SHANK2: variants seen among roughly 807,000 people sequenced by gnomAD.
SHANK2 encodes SH3 and multiple ankyrin repeat domains protein 2.
Under a neutral mutation model 133.7 loss-of-function variants are expected in SHANK2, and 43 were observed. That is an observed-to-expected ratio of 0.32 (90% CI 0.25 to 0.41). SHANK2 has a LOEUF of 0.41. SHANK2 is among the 10% of genes least tolerant of loss of function. SHANK2 has a pLI of 1.00. For synonymous variants in SHANK2, 1,017 were observed against 952.8 expected (o/e 1.07, Z -1.24); for missense variants, 1,994 against 2,235.8 (o/e 0.89, Z 2.18).
intron 17 of SHANK2, among the ~76,000 whole-genome samples, chr11:70,516,943 C>A (rs1479325661): frequency 6.6e-6 from 1 of 152,128 alleles, no homozygotes; most frequent in Non-Finnish European, 1.5e-5. Context: ...CATGGTGGCA[C>A]ACATCTGTAA....
intron 15 of SHANK2, among the ~76,000 whole-genome samples, chr11:70,690,901 T>G (rs193113384): frequency 4.6e-4 from 70 of 152,176 alleles, no homozygotes; most frequent in African/African-American, 1.7e-3. Context: ...CATTTTAAAA[T>G]TAAGAAATAC....
At chr11:71,132,398 C>G (rs1590942385) in intron 3 of SHANK2, among the ~76,000 whole-genome samples, 1 of 152,260 alleles carries the variant, frequency 6.6e-6, no homozygotes, top group East Asian at 1.9e-4. Flanking sequence ...CAGCATGGCC[C>G]CAAACCACAA....
chr11:70,856,495 T>C (rs1470668361), intron 11 of SHANK2, among the ~76,000 whole-genome samples: 1 of 145,706 alleles, frequency 6.9e-6, no homozygotes, highest in Non-Finnish European at 1.5e-5. Context: ...GGTGAATGGA[T>C]AATGAGTGGA....
Position 70,807,039 on chromosome 11 carries a change from G to A in SHANK2, c.1626C>T (p.Asp542=), listed in dbSNP as rs748362704. The change falls in exon 13 of 26, where the codon GAC becomes GAT. Residue 542 remains aspartate, a synonymous_variant. Coordinates refer to ENST00000601538, the MANE Select transcript of SHANK2 (RefSeq NM_012309.5). This position sits in a 1 kb window ranked among gnomAD's most constrained non-coding sequence, Gnocchi z 4.8. ...VAVKPYQPQV[D]GEIPLHRGDR... is the part of the protein sequence containing the mutation. ...CACCGCGGTGAAGGGGGATCTCGCC[G>A]TCCACTTGGGGTTGGTATGGCTTGA... 8.6e-5 allele frequency: 62 copies of A among 717,734 alleles called. No individual in the cohort carries two copies. The highest frequency in any genetic ancestry group is 1.1e-4 in the Non-Finnish European group (44 of 384,884). The allele number at this position is 717,734 out of a possible 1,614,324, so 44.5% of individuals were successfully genotyped here.
rs1953418039 is a variant in SHANK2 at position 71,175,548 on chromosome 11, GAGGGAGA to G, written c.-12-28217_-12-28211del. On this transcript the variant is annotated intron_variant, in intron 2 of 25. Transcript: ENST00000601538. This position sits in a 1 kb window ranked among gnomAD's most constrained non-coding sequence, Gnocchi z 4.2. ...AGACAGACAGACAGAGGGAGAGGGA[GAGGGAGA>G]GAGAGAGAGAGAGAGAGAGAGAGAG... 1.0e-3 allele frequency among the ~76,000 whole-genome samples: 13 copies of G among 12,700 alleles called. No homozygotes were observed. The highest frequency in any genetic ancestry group is 9.7e-3 in the Admixed American group (8 of 826). 8.3% of individuals were successfully genotyped at this position (12,700 alleles called of 152,430 possible).
At chr11:70,939,868 A>G (rs1361277073) in intron 10 of SHANK2, among the ~76,000 whole-genome samples, 5 of 152,188 alleles carry the variant, frequency 3.3e-5, no homozygotes, top group Admixed American at 2.0e-4. Flanking sequence ...TCAGATGCAG[A>G]GACTATCCTG....
chr11:70,867,423 G>C (rs373979594), intron 11 of SHANK2, among the ~76,000 whole-genome samples: 19 of 152,362 alleles, frequency 1.2e-4, no homozygotes, highest in African/African-American at 4.1e-4. Flanking sequence ...CGAGAGGCAA[G>C]AGCCGCTGTT....
chr11:70,656,975 G>A (rs782143792), intron 17 of SHANK2, among the ~76,000 whole-genome samples: 7 of 152,208 alleles, frequency 4.6e-5, no homozygotes, highest in African/African-American at 7.2e-5. Flanking sequence ...GGATGGCCAC[G>A]TCGGGGCATT....
At chr11:70,785,619 C>T (rs942792960) in intron 14 of SHANK2, among the ~76,000 whole-genome samples, 2 of 152,190 alleles carry the variant, frequency 1.3e-5, no homozygotes, top group Non-Finnish European at 2.9e-5. Context: ...CTGGGCAGGG[C>T]CTGTCAGTGG....
chr11:70,519,797 A>G (rs1265376490), intron 17 of SHANK2, among the ~76,000 whole-genome samples: 1 of 151,904 alleles, frequency 6.6e-6, no homozygotes, highest in Non-Finnish European at 1.5e-5. Flanking sequence ...GTGCAGTGGC[A>G]TGATCTCAGC....
chr11:70,526,790 C>A (rs1433854616), intron 17 of SHANK2, among the ~76,000 whole-genome samples: 1 of 150,536 alleles, frequency 6.6e-6, no homozygotes, highest in Non-Finnish European at 1.5e-5. Flanking sequence ...CAGGCAAGGA[C>A]CCCCTCCCTC....
Position 70,910,044 on chromosome 11 carries a change from G to A in SHANK2, c.1108-13477C>T, listed in dbSNP as rs117291295. Among the ~76,000 whole-genome samples the A allele has an allele frequency of 8.6e-3, 1,304 of 152,244 alleles. 8 individuals carry two copies. The highest frequency in any genetic ancestry group is 0.014 in the Middle Eastern group (4 of 294). ...CGCCTTCTCTCTGTGTCCTCACACC[G>A]TGGTCCCTCTCTGTGTGTCTGTGTC... On this transcript the variant is annotated intron_variant, in intron 10 of 25. Transcript: ENST00000601538.
At chr11:70,811,351 C>T (rs926159961) in intron 12 of SHANK2, among the ~76,000 whole-genome samples, 2 of 152,122 alleles carry the variant, frequency 1.3e-5, no homozygotes, top group East Asian at 1.9e-4. Context: ...ACCCAAAGAG[C>T]TCCTGCAAGG....
At chr11:70,762,023 C>T (rs1050324673) in intron 14 of SHANK2, among the ~76,000 whole-genome samples, 19 of 152,326 alleles carry the variant, frequency 1.2e-4, no homozygotes, top group African/African-American at 4.1e-4. Context: ...GCCCTGGCCC[C>T]GCCCACTCCA....
intron 16 of SHANK2, 80 bp downstream of exon 16, chr11:70,661,516 C>T: frequency 3.9e-6 from 1 of 256,552 alleles, no homozygotes; most frequent in Non-Finnish European, 8.2e-6. Context: ...CACACACACA[C>T]ACACACACAC....
At chr11:70,801,222 G>C (rs374136706) in intron 13 of SHANK2, among the ~76,000 whole-genome samples, 2 of 152,184 alleles carry the variant, frequency 1.3e-5, no homozygotes, top group Admixed American at 6.5e-5. Flanking sequence ...TGCACTTCAG[G>C]ATGTGTTATT....
chr11:70,517,931 G>C (rs148324245), intron 17 of SHANK2, among the ~76,000 whole-genome samples: 4 of 152,304 alleles, frequency 2.6e-5, no homozygotes, highest in South Asian at 2.1e-4. Context: ...CAAGCCAATT[G>C]AAAAATAGGG....
chr11:70,593,061 T>G (rs2060347774), intron 17 of SHANK2, among the ~76,000 whole-genome samples: 1 of 152,222 alleles, frequency 6.6e-6, no homozygotes, highest in Admixed American at 6.5e-5. Context: ...CACGTCTGTC[T>G]GGCCCCATAG....
intron 17 of SHANK2, among the ~76,000 whole-genome samples, chr11:70,543,242 A>G (rs1324953811): frequency 1.3e-5 from 2 of 152,170 alleles, no homozygotes; most frequent in African/African-American, 4.8e-5. Flanking sequence ...CTACTGACAC[A>G]TGGCTCCTAA....
Sources: gnomAD v4.1 joint callset for allele counts (sites outside exome capture counted in the v4.1 genomes callset) on GRCh38, gnomAD v4.1.1 for gene constraint, Gnocchi (gnomAD v3.1) non-coding constraint, MANE v1.5 for transcripts, NCBI Gene and HGNC (gene_info 2026-07-23, HGNC 2026-07-21) for gene names.